The following PARD3B variants were observed in gnomAD, a reference collection of about 807,000 sequenced individuals.
The protein encoded by PARD3B is partitioning defective 3 homolog B.
In PARD3B, 103 loss-of-function variants were observed where a neutral mutation model predicts 130.2. The observed-to-expected ratio is 0.79, with a 90% CI of 0.67 to 0.93. PARD3B has a LOEUF of 0.93. Among genes scored for constraint, PARD3B ranks in the 40% least tolerant of loss-of-function variants. The probability of loss-of-function intolerance (pLI) is 0.00; values close to 1 mark genes in which losing one functional copy is unlikely to be tolerated. For missense variants in PARD3B, 1,609 were observed against 1,499.2 expected (o/e 1.07, Z -1.21); for synonymous variants, 583 against 553.2 (o/e 1.05, Z -0.76).
chr2:204,860,982 A>G (rs1575153784), intron 2 of PARD3B, among the ~76,000 whole-genome samples: 1 of 152,304 alleles, frequency 6.6e-6, no homozygotes, highest in East Asian at 1.9e-4. Flanking sequence ...TGCAAATGCT[A>G]TACATAATTG....
chr2:204,790,640 G>A (rs2042167972), intron 2 of PARD3B, among the ~76,000 whole-genome samples: 1 of 152,170 alleles, frequency 6.6e-6, no homozygotes, highest in Non-Finnish European at 1.5e-5. Context: ...GACCCGTATG[G>A]ATGAGGCATC....
chr2:205,015,161 A>G lies in PARD3B; in HGVS notation c.395-32420A>G, dbSNP rs1696036892. ...ATTTTGTATGTTATATGTATTATGT[A>G]TACAATATGTATTTTTATGTATTCT... is the stretch of plus-strand genomic sequence containing the variant. On this transcript the variant is annotated intron_variant, in intron 3 of 22. Coordinates refer to ENST00000406610, the MANE Select transcript of PARD3B (RefSeq NM_001302769.2). The surrounding 1 kb of genome is among the most constrained non-coding windows in gnomAD (Gnocchi z 4.5). 6.6e-6 allele frequency among the ~76,000 whole-genome samples: 1 copy of G among 152,228 alleles called. No homozygotes were observed. Among genetic ancestry groups the G allele is most frequent in the South Asian group, 2.1e-4 (1 of 4,834 alleles).
chr2:205,466,544 G>A (rs2048628550), intron 20 of PARD3B, among the ~76,000 whole-genome samples: 3 of 152,140 alleles, frequency 2.0e-5, no homozygotes, highest in East Asian at 1.9e-4. Flanking sequence ...GTGCTGCTAC[G>A]AACCTGCCAA....
At chr2:204,719,379 A>T (rs1011344836) in intron 2 of PARD3B, among the ~76,000 whole-genome samples, 4 of 152,214 alleles carry the variant, frequency 2.6e-5, no homozygotes, top group Non-Finnish European at 5.9e-5. Context: ...CTTCATTTTT[A>T]AAATTAAAGT....
intron 1 of PARD3B, among the ~76,000 whole-genome samples, chr2:204,585,653 A>T (rs1448473244): frequency 6.6e-6 from 1 of 151,994 alleles, no homozygotes; most frequent in Non-Finnish European, 1.5e-5. Context: ...TAATGGGCAG[A>T]TAATTTCTTA....
chr2:205,524,606 A>G (rs2051252083), intron 21 of PARD3B, among the ~76,000 whole-genome samples: 2 of 152,186 alleles, frequency 1.3e-5, no homozygotes, highest in African/African-American at 4.8e-5. Context: ...TAATTAGAAG[A>G]GAGAGCACTT....
At chr2:204,840,377 T>G (rs1316663714) in intron 2 of PARD3B, among the ~76,000 whole-genome samples, 3 of 152,078 alleles carry the variant, frequency 2.0e-5, no homozygotes, top group Non-Finnish European at 2.9e-5. Context: ...TAATAGAAAG[T>G]GGGGAATATC....
At chr2:204,946,839 A>G (rs1273545268) in intron 2 of PARD3B, among the ~76,000 whole-genome samples, 1 of 152,214 alleles carries the variant, frequency 6.6e-6, no homozygotes, top group African/African-American at 2.4e-5. Flanking sequence ...CCAGTGCAGA[A>G]GCCAGCAACC....
chr2:205,441,400 T>G (rs934946339), intron 20 of PARD3B, among the ~76,000 whole-genome samples: 3 of 152,312 alleles, frequency 2.0e-5, no homozygotes, highest in East Asian at 3.9e-4. Context: ...AAGACTGATG[T>G]AAGAGAGTTT....
At chr2:205,578,734 G>A (rs2053856122) in intron 22 of PARD3B, among the ~76,000 whole-genome samples, 1 of 152,194 alleles carries the variant, frequency 6.6e-6, no homozygotes, top group African/African-American at 2.4e-5. Context: ...TGATTTAACT[G>A]TATGAAGTCA....
intron 1 of PARD3B, among the ~76,000 whole-genome samples, chr2:204,601,313 A>G (rs888327929): frequency 2.6e-5 from 4 of 151,988 alleles, no homozygotes; most frequent in African/African-American, 9.7e-5. Flanking sequence ...GAATAGATTA[A>G]AGAAATCAAG....
At chr2:205,529,600 C>T (rs1311100131) in intron 21 of PARD3B, among the ~76,000 whole-genome samples, 1 of 152,018 alleles carries the variant, frequency 6.6e-6, no homozygotes, top group East Asian at 1.9e-4. Flanking sequence ...AGGCTATCAC[C>T]AAAAAGAAAC....
intron 15 of PARD3B, among the ~76,000 whole-genome samples, chr2:205,203,040 G>A (rs895884921): frequency 5.3e-5 from 8 of 152,234 alleles, no homozygotes; most frequent in Middle Eastern, 3.4e-3. Context: ...CAAGCTGGGG[G>A]CATGTTTAAT....
At chr2:204,611,028 C>CT (rs905880288) in intron 1 of PARD3B, among the ~76,000 whole-genome samples, 12 of 151,992 alleles carry the variant, frequency 7.9e-5, no homozygotes, top group Non-Finnish European at 1.2e-4. Flanking sequence ...TTGAGTAGCA[C>CT]TTTTTTTTGG....
intron 1 of PARD3B, among the ~76,000 whole-genome samples, chr2:204,621,684 C>T (rs2034308111): frequency 6.6e-6 from 1 of 152,070 alleles, no homozygotes; most frequent in South Asian, 2.1e-4. Flanking sequence ...TCTAGTTTTT[C>T]CTAAATAGCT....
In PARD3B at chr2:204,549,026, A is replaced by G. The variant is rs916563542; in HGVS notation, c.120+2907A>G. 6.6e-5 allele frequency among the ~76,000 whole-genome samples: 10 copies of G among 152,244 alleles called. No homozygotes were observed. The East Asian group carries it at 7.7e-4, about 12-fold the overall frequency. Reference sequence around the variant, plus strand: ...AAGTGAAGTCCAAGAATGCCATTCTATATTTCGTGGACAGCGTCTGAGAAG... The same window carrying G: ...AAGTGAAGTCCAAGAATGCCATTCTGTATTTCGTGGACAGCGTCTGAGAAG... On this transcript the variant is annotated intron_variant, in intron 1 of 22. Transcript: ENST00000406610.
At chr2:205,074,950 A>C (rs1261713888) in intron 4 of PARD3B, among the ~76,000 whole-genome samples, 2 of 152,188 alleles carry the variant, frequency 1.3e-5, no homozygotes, top group Non-Finnish European at 2.9e-5. Context: ...TTGTTTCCAA[A>C]TTATAATTGT....
chr2:205,212,464 T>C (rs1359603382), intron 15 of PARD3B, among the ~76,000 whole-genome samples: 1 of 152,108 alleles, frequency 6.6e-6, no homozygotes, highest in Non-Finnish European at 1.5e-5. Context: ...GTGAGTTTGC[T>C]TGTGAGATTT....
At chr2:204,928,124 G>C (rs6435259) in intron 2 of PARD3B, among the ~76,000 whole-genome samples, 34,977 of 152,002 alleles carry the variant, frequency 0.23, 4,430 homozygotes, top group Non-Finnish European at 0.29. Context: ...GATCTAGGCC[G>C]TGTCCTCTCA....
Sources: allele counts gnomAD v4.1 joint callset (sites outside exome capture counted in the v4.1 genomes callset), GRCh38; gene constraint gnomAD v4.1.1; non-coding constraint Gnocchi (gnomAD v3.1); transcripts MANE v1.5; gene names NCBI Gene and HGNC (gene_info 2026-07-23, HGNC 2026-07-21).